Variants in CCNT2 observed in about 807,000 individuals in gnomAD.
CCNT2 encodes cyclin-T2.
CCNT2 carries 18 observed loss-of-function variants against 70.0 expected under a neutral mutation model. That is an observed-to-expected ratio of 0.26 (90% CI 0.18 to 0.38). The LOEUF (loss-of-function observed/expected upper bound fraction) is 0.38, where lower values mean the gene tolerates loss of function less well. CCNT2 is among the 10% of genes least tolerant of loss of function. The pLI is 1.00. For missense variants in CCNT2, 734 were observed against 890.2 expected (o/e 0.82, Z 2.23); for synonymous variants, 334 against 313.3 (o/e 1.07, Z -0.70).
intron 2 of CCNT2, among the ~76,000 whole-genome samples, chr2:134,921,656 C>T (rs533346686): frequency 2.0e-5 from 3 of 152,202 alleles, no homozygotes; most frequent in South Asian, 4.1e-4. Flanking sequence ...GCCCGGCCAT[C>T]TTCACTTCTT....
At chr2:134,939,538 T>C (rs1401933071) in intron 4 of CCNT2, among the ~76,000 whole-genome samples, 2 of 152,150 alleles carry the variant, frequency 1.3e-5, no homozygotes, top group African/African-American at 2.4e-5. Context: ...CCATCTCGGC[T>C]CACTGCAACC....
In CCNT2 at chr2:134,919,877, A is replaced by G; in HGVS notation, c.226A>G (p.Lys76Glu). ...HRFYMHHSFT[K>E]FNKNIISSTA... ...GTTTTATATGCACCATTCTTTCACC[A>G]AATTCAACAAAAATGTAAGTACTAG... is the stretch of plus-strand genomic sequence containing the variant. The change falls in exon 2 of 9, where the codon AAA becomes GAA. Residue 76 changes from lysine (K) to glutamate (E), a missense_variant. Physicochemically the swap from Lys to Glu is moderately conservative, Grantham distance 56 (BLOSUM62 1). Transcript: ENST00000264157. 1 of 1,606,484 alleles carries G rather than the reference A, an allele frequency of 6.2e-7. No homozygotes were observed. Among genetic ancestry groups the G allele is most frequent in the Non-Finnish European group, 8.5e-7 (1 of 1,177,496 alleles).
Position 134,919,898 on chromosome 2 carries a change from A to C in CCNT2, c.240+7A>C, listed in dbSNP as rs1292014012. 6.6e-7 allele frequency: 1 copy of C among 1,520,246 alleles called. No homozygotes were observed. The allele number at this position is 1,520,246 out of a possible 1,614,324, so 94.2% of individuals were successfully genotyped here. A position where few individuals can be genotyped will look rare whatever the true frequency, so the allele number is the denominator to read the frequency against. On this transcript the variant is annotated splice_region_variant and intron_variant, in intron 2 of 8. Transcript: ENST00000264157. ...CACCAAATTCAACAAAAATGTAAGTACTAGTTGTCTGTTTTTACTGTCCGC... is the reference window on the plus strand; with the variant it reads ...CACCAAATTCAACAAAAATGTAAGTCCTAGTTGTCTGTTTTTACTGTCCGC...
In CCNT2 at chr2:134,956,577, G is replaced by A. The variant is rs551295291; in HGVS notation, c.*1929G>A. ...TGAGTGCAAGATGAGGGAGGGAAGG[G>A]CTTTCTTGGTAATTTAGATGTGAAA... On this transcript the variant is annotated 3_prime_UTR_variant, in exon 9 of 9. Coordinates refer to ENST00000264157, the MANE Select transcript of CCNT2 (RefSeq NM_058241.3). 5.9e-5 allele frequency: 9 copies of A among 152,588 alleles called. No homozygotes were observed. The highest frequency in any genetic ancestry group is 4.6e-4 in the Admixed American group (7 of 15,284). The allele number at this position is 152,588 out of a possible 1,614,324, so 9.5% of individuals were successfully genotyped here.
In CCNT2 at chr2:134,957,366, A is replaced by G. The variant is rs1445403778; in HGVS notation, c.*2718A>G. The G allele has an allele frequency of 6.6e-6, 1 of 152,222 alleles. No homozygotes were observed. Among genetic ancestry groups the G allele is most frequent in the East Asian group, 1.9e-4 (1 of 5,206 alleles). 9.4% of individuals were successfully genotyped at this position (152,222 alleles called of 1,614,324 possible). ...AACATTTTTGATGAGATTTAAAAAA[A>G]TATTTGAAATATTAAAAAGCATTAT... On this transcript the variant is annotated 3_prime_UTR_variant, in exon 9 of 9. Transcript: ENST00000264157.
At chr2:134,920,564 T>C (rs1248504216) in intron 2 of CCNT2, among the ~76,000 whole-genome samples, 1 of 152,220 alleles carries the variant, frequency 6.6e-6, no homozygotes, top group Non-Finnish European at 1.5e-5. Context: ...GGCATTTTGT[T>C]GAAATGTTAA....
Position 134,953,126 on chromosome 2 carries a change from A to G in CCNT2, c.775-104A>G, listed in dbSNP as rs1024241311. On this transcript the variant is annotated intron_variant, in intron 8 of 8. Transcript: ENST00000264157. ...GAACCCCAGGTCATTTTATTTCCAT[A>G]TGTTTAATATATAATGTTTTTAATA... 1.9e-5 allele frequency: 14 copies of G among 727,176 alleles called. No individual in the cohort carries two copies. In the Admixed American group the frequency reaches 2.5e-4, roughly 13 times the overall value. 45.0% of individuals were successfully genotyped at this position (727,176 alleles called of 1,614,324 possible).
In CCNT2 at chr2:134,951,106, C is replaced by G. The variant is rs140730952; in HGVS notation, c.704-1535C>G. On this transcript the variant is annotated intron_variant, in intron 7 of 8. Coordinates refer to ENST00000264157, the MANE Select transcript of CCNT2 (RefSeq NM_058241.3). ...GGCATTAGGGTTTTTTTCATCCAAA[C>G]TGGATGAAAAAGCTCATGAGACTTT... 2.6e-3 allele frequency among the ~76,000 whole-genome samples: 393 copies of G among 148,624 alleles called. 1 individual carries two copies. The highest frequency in any genetic ancestry group is 7.8e-3 in the African/African-American group (312 of 40,214).
chr2:134,935,052 A>G (rs527679886), intron 2 of CCNT2, among the ~76,000 whole-genome samples: 1 of 152,326 alleles, frequency 6.6e-6, no homozygotes, highest in Non-Finnish European at 1.5e-5. Flanking sequence ...GCCACTATAT[A>G]TTATACATAT....
At chr2:134,940,921 G>A (rs1033377425) in intron 4 of CCNT2, among the ~76,000 whole-genome samples, 1 of 152,186 alleles carries the variant, frequency 6.6e-6, no homozygotes, top group African/African-American at 2.4e-5. Context: ...CAAGATAAAT[G>A]AATCCAGTGT....
At position 134,957,482 on chromosome 2, in the gene CCNT2, A is replaced by G. The variant is rs1307543387; in HGVS notation, c.*2834A>G. On this transcript the variant is annotated 3_prime_UTR_variant, in exon 9 of 9. Transcript: ENST00000264157. ...TACCTTTACACAGAAGCACATTGCA[A>G]AGAAAGGCTTTATTTCTACCTCTTC... is the stretch of plus-strand genomic sequence containing the variant. 1.3e-5 allele frequency: 2 copies of G among 152,200 alleles called. No homozygotes were observed. Among genetic ancestry groups the G allele is most frequent in the African/African-American group, 4.8e-5 (2 of 41,454 alleles). The allele number at this position is 152,200 out of a possible 1,614,324, so 9.4% of individuals were successfully genotyped here. A position where few individuals can be genotyped will look rare whatever the true frequency, so the allele number is the denominator to read the frequency against.
In CCNT2 at chr2:134,953,734, C is replaced by A; in HGVS notation, c.1279C>A (p.Pro427Thr). The A allele has an allele frequency of 6.2e-7, 1 of 1,613,992 alleles. No individual in the cohort carries two copies. The highest frequency in any genetic ancestry group is 1.1e-5 in the South Asian group (1 of 91,068). ...SKHHGPISTTPGIIPQKMSLD... is the reference protein window; with the variant it reads ...SKHHGPISTTTGIIPQKMSLD... ...ACACCATGGGCCAATTTCCACTACT[C>A]CAGGAATAATTCCTCAGAAAATGTC... The change falls in exon 9 of 9, where the codon CCA becomes ACA. Residue 427 changes from proline (P) to threonine (T), a missense_variant. Pro to Thr is a conservative substitution (Grantham distance 38). Coordinates refer to ENST00000264157, the MANE Select transcript of CCNT2 (RefSeq NM_058241.3).
chr2:134,948,844 C>T (rs954516274), intron 7 of CCNT2, among the ~76,000 whole-genome samples: 16 of 150,286 alleles, frequency 1.1e-4, no homozygotes, highest in Non-Finnish European at 1.9e-4. Context: ...CCTCCCAAGT[C>T]GCTGGGACTG....
At chr2:134,931,716 A>C (rs1460968194) in intron 2 of CCNT2, among the ~76,000 whole-genome samples, 30 of 152,070 alleles carry the variant, frequency 2.0e-4, no homozygotes, top group Non-Finnish European at 5.9e-5. Flanking sequence ...AGTATATTTG[A>C]ATTCCTGTGC....
intron 2 of CCNT2, among the ~76,000 whole-genome samples, chr2:134,932,658 A>G (rs1573804603): frequency 6.6e-6 from 1 of 152,220 alleles, no homozygotes; most frequent in African/African-American, 2.4e-5. Context: ...CATTTTCTGC[A>G]ATTCCTTAGT....
intron 1 of CCNT2, 45 bp from the exon 2 acceptor site, chr2:134,919,765 T>G: frequency 6.2e-5 from 89 of 1,426,402 alleles, no homozygotes; most frequent in Non-Finnish European, 7.9e-5. Flanking sequence ...GTTCTGGGAA[T>G]GAGATCTTGC....
chr2:134,942,585 TG>T lies in CCNT2; in HGVS notation c.431-25del, dbSNP rs764076867. On this transcript the variant is annotated intron_variant, in intron 4 of 8. Coordinates refer to ENST00000264157, the MANE Select transcript of CCNT2 (RefSeq NM_058241.3). ...GGCAAGTACTGTAGTGGTAAGAGAT[TG>T]GAAAAAAAAGTGCTTATCATTTCAG... The T allele has an allele frequency of 1.9e-6, 3 of 1,588,840 alleles. No homozygotes were observed. The South Asian group carries it at 3.4e-5, about 18-fold the overall frequency.
chr2:134,956,538 G>A lies in CCNT2; in HGVS notation c.*1890G>A, dbSNP rs961173181. On this transcript the variant is annotated 3_prime_UTR_variant, in exon 9 of 9. Coordinates refer to ENST00000264157, the MANE Select transcript of CCNT2 (RefSeq NM_058241.3). ...ACAGTGGTACATAATCCAAGGACTA[G>A]TATAGAATTAAGCTGAGTGCAAGAT... The A allele has an allele frequency of 2.6e-5, 4 of 152,172 alleles. No homozygotes were observed. The highest frequency in any genetic ancestry group is 4.1e-4 in the South Asian group (2 of 4,828). The allele number at this position is 152,172 out of a possible 1,614,324, so 9.4% of individuals were successfully genotyped here. A position where few individuals can be genotyped will look rare whatever the true frequency, so the allele number is the denominator to read the frequency against.
chr2:134,939,390 A>G (rs1048129801), intron 4 of CCNT2, among the ~76,000 whole-genome samples: 2 of 152,184 alleles, frequency 1.3e-5, no homozygotes, highest in African/African-American at 4.8e-5. Context: ...ATACAAACCT[A>G]CACAGCAATC....
Sources: gnomAD v4.1 joint callset for allele counts (sites outside exome capture counted in the v4.1 genomes callset) on GRCh38, gnomAD v4.1.1 for gene constraint, MANE v1.5 for transcripts, NCBI Gene and HGNC (gene_info 2026-07-23, HGNC 2026-07-21) for gene names.